The following SPG7 variants were observed in gnomAD, a reference collection of about 807,000 sequenced individuals.
SPG7 encodes the protein SPG7 matrix AAA peptidase subunit, paraplegin.
Under a neutral mutation model 81.9 loss-of-function variants are expected in SPG7, and 103 were observed. The ratio of observed to expected loss-of-function variants is 1.26; its 90% CI spans 1.07 to 1.48. The LOEUF is 1.48. Among genes scored for constraint, SPG7 ranks in the 40% most tolerant of loss-of-function variants. The probability of loss-of-function intolerance (pLI) is 0.00; values close to 1 mark genes in which losing one functional copy is unlikely to be tolerated. For missense variants in SPG7, 1,241 were observed against 1,087.3 expected (o/e 1.14, Z -1.99); for synonymous variants, 534 against 444.2 (o/e 1.20, Z -2.54).
At chr16:89,547,979 C>T (rs1437865865) in intron 11 of SPG7, 24 bp from the exon 12 acceptor site, 14 of 1,588,966 alleles carry the variant, frequency 8.8e-6, no homozygotes, top group African/African-American at 4.0e-5. Flanking sequence ...CACCCACCCA[C>T]ACCGTGGCTG....
chr16:89,539,992 G>T (rs2058474686), intron 9 of SPG7: 1 of 152,344 alleles, frequency 6.6e-6, no homozygotes, highest in African/African-American at 2.4e-5. Context: ...AAGTGCTCCA[G>T]CCCCACTGGT....
rs531182220 is a variant in SPG7, at chr16:89,545,334, C to CAGGA, written c.1449+563_1449+566dup. ...GGCCTTTGTTGCTGCCCTGAGGGAG[C>CAGGA]AGGAGTTCAGCTCATGGAGCGGAGG... On this transcript the variant is annotated intron_variant, in intron 10 of 16. Coordinates refer to ENST00000645818, the MANE Select transcript of SPG7 (RefSeq NM_003119.4). 2.4e-3 allele frequency: 542 copies of CAGGA among 225,764 alleles called. 4 individuals carry two copies. The highest frequency in any genetic ancestry group is 0.012 in the African/African-American group (517 of 43,620). The allele number at this position is 225,764 out of a possible 1,614,324, so 14.0% of individuals were successfully genotyped here. A position where few individuals can be genotyped will look rare whatever the true frequency, so the allele number is the denominator to read the frequency against.
At position 89,553,242 on chromosome 16, in the gene SPG7, T is replaced by C. The variant is rs949466096; in HGVS notation, c.1936+107T>C. On this transcript the variant is annotated intron_variant, in intron 14 of 16. Coordinates refer to ENST00000645818, the MANE Select transcript of SPG7 (RefSeq NM_003119.4). ...GGTGAATCTGGTGTAGACGTAGCTT[T>C]GAATTTATTAAGTATTTTGTAAAAG... 5 of 1,129,050 alleles carry C rather than the reference T, an allele frequency of 4.4e-6. No individual in the cohort carries two copies. The African/African-American group carries it at 6.2e-5, about 14-fold the overall frequency. The allele number at this position is 1,129,050 out of a possible 1,614,324, so 69.9% of individuals were successfully genotyped here. A position where few individuals can be genotyped will look rare whatever the true frequency, so the allele number is the denominator to read the frequency against.
At chr16:89,513,969 G>A (rs1415132694) in intron 3 of SPG7, among the ~76,000 whole-genome samples, 12 of 152,124 alleles carry the variant, frequency 7.9e-5, no homozygotes, top group Non-Finnish European at 1.8e-4. Context: ...CAGGAGTGAC[G>A]TCCTTCTTGA....
intron 10 of SPG7, 109 bp downstream of exon 10, chr16:89,544,881 C>T: frequency 7.3e-7 from 1 of 1,378,952 alleles, no homozygotes; most frequent in Non-Finnish European, 1.0e-6. Flanking sequence ...CCTGTCACAG[C>T]CCCACAGGTG....
Position 89,546,685 on chromosome 16 carries a change from C to G in SPG7, c.1477C>G (p.Leu493Val). ...GAGGCGGGAGATTTTTGAGCAGCACCTGAAGAGCCTGAAGCTGACCCAGTC... is the reference window on the plus strand; with the variant it reads ...GAGGCGGGAGATTTTTGAGCAGCACGTGAAGAGCCTGAAGCTGACCCAGTC... ...QERREIFEQH[L>V]KSLKLTQSST... Residue 493 changes from leucine to valine, a missense_variant, in exon 11 of 17, where the codon CTG (leucine) becomes GTG (valine). Leu to Val is a conservative substitution (Grantham distance 32). Coordinates refer to ENST00000645818, the MANE Select transcript of SPG7 (RefSeq NM_003119.4). 1 of 1,613,730 alleles carries G rather than the reference C, an allele frequency of 6.2e-7. No individual in the cohort carries two copies. Among genetic ancestry groups the G allele is most frequent in the Non-Finnish European group, 8.5e-7 (1 of 1,179,730 alleles).
chr16:89,549,905 G>C (rs541349737), intron 12 of SPG7: 1 of 177,816 alleles, frequency 5.6e-6, no homozygotes, highest in East Asian at 1.4e-4. Context: ...CAACCATGGG[G>C]CAGGAGGAGA....
chr16:89,527,126 A>G (rs1008980453), intron 5 of SPG7: 14 of 161,656 alleles, frequency 8.7e-5, no homozygotes, highest in African/African-American at 3.4e-4. Flanking sequence ...GTTATACTTT[A>G]GGGAATAATG....
At chr16:89,531,354 C>G (rs1270564030) in intron 7 of SPG7, 1 of 190,448 alleles carries the variant, frequency 5.3e-6, no homozygotes, top group African/African-American at 2.4e-5. Context: ...GACCCTGTCT[C>G]TGCAAAACAT....
chr16:89,548,583 C>G (rs566553680), intron 12 of SPG7: 220 of 295,424 alleles, frequency 7.4e-4, no homozygotes, highest in Non-Finnish European at 1.1e-3. Context: ...ATCTGCAGCA[C>G]CACCTCTGGT....
intron 9 of SPG7, chr16:89,533,179 T>C (rs2058369523): frequency 6.2e-6 from 1 of 161,730 alleles, no homozygotes; most frequent in Admixed American, 5.8e-5. Context: ...AATCTTTCCT[T>C]TTCTTTTTTA....
At chr16:89,520,039 A>T (rs1318213922) in intron 3 of SPG7, 1 of 152,270 alleles carries the variant, frequency 6.6e-6, no homozygotes, top group Admixed American at 6.5e-5. Flanking sequence ...AGGTGTGCAT[A>T]TGAGGCTCAG....
At chr16:89,510,661 G>C (rs544679084) in intron 2 of SPG7, 69 bp downstream of exon 2, 51 of 967,734 alleles carry the variant, frequency 5.3e-5, no homozygotes, top group Non-Finnish European at 8.5e-5. Flanking sequence ...TTGGGAGGCT[G>C]ATCTTTTTTT....
chr16:89,549,498 AG>A (rs1459723215), intron 12 of SPG7: 2 of 341,724 alleles, frequency 5.9e-6, no homozygotes, highest in East Asian at 1.6e-4. Context: ...ATCTCTTAAA[AG>A]AAAAGAATAA....
chr16:89,542,193 C>G (rs1458862748), intron 9 of SPG7: 1 of 152,334 alleles, frequency 6.6e-6, no homozygotes, highest in Admixed American at 6.5e-5. Context: ...TTACTTTTCC[C>G]ATTTTTTTCA....
chr16:89,529,563 G>A lies in SPG7; in HGVS notation c.845G>A (p.Gly282Asp). Residue 282 changes from glycine (G) to aspartate (D), a missense_variant, in exon 6 of 17, where the codon GGT (glycine) becomes GAT (aspartate). Coordinates refer to ENST00000645818, the MANE Select transcript of SPG7 (RefSeq NM_003119.4). ...FRLAGMTGREGGFSAFNQLKM... is the reference protein window; with the variant it reads ...FRLAGMTGREDGFSAFNQLKM... ...CTGGCCGGGATGACTGGAAGGGAAG[G>A]TGGATTCAGTGCTTTTGTAAGTTCT... is the stretch of plus-strand genomic sequence containing the variant. 6.2e-7 allele frequency: 1 copy of A among 1,612,878 alleles called. No homozygotes were observed. The highest frequency in any genetic ancestry group is 8.5e-7 in the Non-Finnish European group (1 of 1,178,860).
intron 3 of SPG7, 143 bp downstream of exon 3, chr16:89,513,180 T>C: frequency 8.1e-7 from 1 of 1,233,880 alleles, no homozygotes; most frequent in East Asian, 2.8e-5. Flanking sequence ...CGAAACGCTT[T>C]GGGAGGCCCA....
chr16:89,510,559 G>T lies in SPG7; in HGVS notation c.253G>T (p.Val85Phe). ...CGGATTGTTGTTGAAACAACATTTA[G>T]TTCAGAATCCAGTCAGACTCTGGCA... Reference protein sequence around the residue: ...INGLLLKQHLVQNPVRLWQLL... With the variant: ...INGLLLKQHLFQNPVRLWQLL... Residue 85 changes from valine (V) to phenylalanine (F), a missense_variant, in exon 2 of 17, where the codon GTT becomes TTT. Transcript: ENST00000645818. 1 of 1,609,464 alleles carries T rather than the reference G, an allele frequency of 6.2e-7. No homozygotes were observed. Among genetic ancestry groups the T allele is most frequent in the Non-Finnish European group, 8.5e-7 (1 of 1,177,718 alleles).
chr16:89,508,492 A>C lies in SPG7; in HGVS notation c.75A>C (p.Pro25=), dbSNP rs760168945. ...CGGGTCCTCGGCCGCTGTGGGGCCC[A>C]GGCCCGGCCTGGAGTCCAGGGTTCC... ...PGPGPRPLWG[P]GPAWSPGFPA... The change falls in exon 1 of 17, where the codon CCA becomes CCC. Residue 25 remains proline (P), a synonymous_variant. Coordinates refer to ENST00000645818, the MANE Select transcript of SPG7 (RefSeq NM_003119.4). The C allele has an allele frequency of 4.0e-6, 6 of 1,510,704 alleles. No homozygotes were observed. The South Asian group carries it at 4.9e-5, about 12-fold the overall frequency. 93.6% of individuals were successfully genotyped at this position (1,510,704 alleles called of 1,614,324 possible).
Sources: gnomAD v4.1 joint callset for allele counts (sites outside exome capture counted in the v4.1 genomes callset) on GRCh38, gnomAD v4.1.1 for gene constraint, MANE v1.5 for transcripts, NCBI Gene and HGNC (gene_info 2026-07-23, HGNC 2026-07-21) for gene names.